ADAM23: variants seen among roughly 807,000 people sequenced by gnomAD.
ADAM23 encodes the protein disintegrin and metalloproteinase domain-containing protein 23.
In ADAM23, 33 loss-of-function variants were observed where a neutral mutation model predicts 120.1. The observed-to-expected ratio is 0.27, with a 90% CI of 0.21 to 0.37. The LOEUF is 0.37. Among genes scored for constraint, ADAM23 ranks in the 10% least tolerant of loss-of-function variants. The pLI is 1.00. For synonymous variants in ADAM23, 367 were observed against 375.2 expected (o/e 0.98, Z 0.25); for missense variants, 862 against 1,058.2 (o/e 0.81, Z 2.57).
intron 3 of ADAM23, among the ~76,000 whole-genome samples, chr2:206,489,443 G>A (rs542807396): frequency 2.0e-5 from 3 of 152,248 alleles, no homozygotes; most frequent in African/African-American, 2.4e-5. Context: ...GCCTTAGTCC[G>A]AAGGAATTAG....
chr2:206,603,010 A>T lies in ADAM23; in HGVS notation c.2359+6848A>T, dbSNP rs577868504. Among the ~76,000 whole-genome samples the T allele has an allele frequency of 9.6e-4, 146 of 152,262 alleles. 1 individual carries two copies. Among genetic ancestry groups the T allele is most frequent in the African/African-American group, 3.4e-3 (141 of 41,550 alleles). On this transcript the variant is annotated intron_variant, in intron 24 of 25. Transcript: ENST00000264377. ...GCAAAGTTAAGTTCCTAATAAAAGGATTGTGTTGTCAGCTAGAAGCTTTAA... is the reference window on the plus strand; with the variant it reads ...GCAAAGTTAAGTTCCTAATAAAAGGTTTGTGTTGTCAGCTAGAAGCTTTAA...
intron 18 of ADAM23, among the ~76,000 whole-genome samples, chr2:206,584,856 C>A (rs1698292771): frequency 2.0e-5 from 3 of 152,154 alleles, no homozygotes; most frequent in Admixed American, 2.0e-4. Context: ...CCCGTTGGAT[C>A]CCTATGGTGC....
intron 4 of ADAM23, among the ~76,000 whole-genome samples, chr2:206,533,554 CAT>C (rs1046686423): frequency 3.3e-5 from 5 of 152,286 alleles, no homozygotes; most frequent in African/African-American, 4.8e-5. Flanking sequence ...TGTACACACA[CAT>C]GTAGACACAC....
At chr2:206,611,414 C>T (rs576499107) in intron 25 of ADAM23, among the ~76,000 whole-genome samples, 1 of 151,232 alleles carries the variant, frequency 6.6e-6, no homozygotes, top group African/African-American at 2.4e-5. Context: ...TTCGTTTGGG[C>T]GGACCTAATT....
chr2:206,471,040 T>G (rs933594842), intron 2 of ADAM23, among the ~76,000 whole-genome samples: 10 of 152,194 alleles, frequency 6.6e-5, no homozygotes, highest in African/African-American at 2.4e-4. Flanking sequence ...GATCCCAACA[T>G]AAATCACTGG....
chr2:206,470,004 T>C (rs1402863467), intron 2 of ADAM23, among the ~76,000 whole-genome samples: 1 of 152,222 alleles, frequency 6.6e-6, no homozygotes. Flanking sequence ...TTGTCTACTT[T>C]AATCTTTTTA....
intron 2 of ADAM23, among the ~76,000 whole-genome samples, chr2:206,446,551 C>G (rs1695086334): frequency 6.6e-6 from 1 of 152,044 alleles, no homozygotes; most frequent in Non-Finnish European, 1.5e-5. Flanking sequence ...CCCCATTTTA[C>G]AAATGGGGAG....
At chr2:206,546,287 A>G (rs1019388566) in intron 6 of ADAM23, among the ~76,000 whole-genome samples, 8 of 152,180 alleles carry the variant, frequency 5.3e-5, no homozygotes, top group African/African-American at 1.2e-4. Flanking sequence ...TTTCATTACT[A>G]TCTTTTCACC....
At chr2:206,610,205 A>C (rs972879580) in intron 25 of ADAM23, among the ~76,000 whole-genome samples, 2 of 152,222 alleles carry the variant, frequency 1.3e-5, no homozygotes, top group African/African-American at 2.4e-5. Context: ...ATGTAGAAGG[A>C]ATTCATATAC....
intron 4 of ADAM23, among the ~76,000 whole-genome samples, chr2:206,531,832 G>T (rs1391805217): frequency 6.6e-6 from 1 of 152,188 alleles, no homozygotes; most frequent in Non-Finnish European, 1.5e-5. Context: ...CACCTTTCCC[G>T]TATGTGGACT....
In ADAM23 at chr2:206,550,086, TTTCCGTAGCC is replaced by T; in HGVS notation, c.868-8_869del. The T allele has an allele frequency of 6.5e-7, 1 of 1,541,986 alleles. No individual in the cohort carries two copies. Among genetic ancestry groups the T allele is most frequent in the Non-Finnish European group, 8.9e-7 (1 of 1,120,310 alleles). On this transcript the variant is annotated splice_acceptor_variant and splice_polypyrimidine_tract_variant and coding_sequence_variant and intron_variant, in exon 9 of 26. Coordinates refer to ENST00000264377, the MANE Select transcript of ADAM23 (RefSeq NM_003812.4). LOFTEE classifies it high-confidence loss of function. The stretch of plus-strand genomic sequence containing the variant: ...CACTATTCTGACCATATATTTTTAT[TTTCCGTAGCC>T]ATCACGTGGTATATTTGAAGAAATG...
In ADAM23 at chr2:206,585,391, G is replaced by A. The variant is rs562377059; in HGVS notation, c.1738-1934G>A. 3.9e-5 allele frequency among the ~76,000 whole-genome samples: 6 copies of A among 152,322 alleles called. No homozygotes were observed. In the Middle Eastern group the frequency reaches 0.01, roughly 259 times the overall value. ...TAGTTGTGTATTTCTGCTTTTTACTGCTGATCCCTTGAATACTCACCAGAT... is the reference window on the plus strand; with the variant it reads ...TAGTTGTGTATTTCTGCTTTTTACTACTGATCCCTTGAATACTCACCAGAT... On this transcript the variant is annotated intron_variant, in intron 18 of 25. Coordinates refer to ENST00000264377, the MANE Select transcript of ADAM23 (RefSeq NM_003812.4).
intron 2 of ADAM23, among the ~76,000 whole-genome samples, chr2:206,468,390 C>A (rs1331005692): frequency 6.6e-6 from 1 of 152,170 alleles, no homozygotes; most frequent in African/African-American, 2.4e-5. Context: ...TTAGAAATTT[C>A]TTCTACTAGA....
At chr2:206,582,878 T>C (rs558681978) in intron 18 of ADAM23, among the ~76,000 whole-genome samples, 2 of 152,288 alleles carry the variant, frequency 1.3e-5, no homozygotes, top group South Asian at 4.1e-4. Context: ...TGAAGATAGG[T>C]CCCCAATCCC....
chr2:206,484,111 C>T (rs972188164), intron 3 of ADAM23, among the ~76,000 whole-genome samples: 1 of 152,106 alleles, frequency 6.6e-6, no homozygotes, highest in Non-Finnish European at 1.5e-5. Flanking sequence ...GATCAAAGCC[C>T]AAGGGCAGAA....
At chr2:206,485,890 C>T (rs747469858) in intron 3 of ADAM23, among the ~76,000 whole-genome samples, 16 of 152,224 alleles carry the variant, frequency 1.1e-4, no homozygotes, top group African/African-American at 3.9e-4. Context: ...TGAGCTGAGC[C>T]CTGGTTGTCA....
chr2:206,506,389 A>G (rs988316233), intron 3 of ADAM23, among the ~76,000 whole-genome samples: 2 of 152,194 alleles, frequency 1.3e-5, no homozygotes, highest in Non-Finnish European at 2.9e-5. Flanking sequence ...GGGATGCAAA[A>G]AGTAGTAACT....
At chr2:206,465,446 A>G (rs995245335) in intron 2 of ADAM23, among the ~76,000 whole-genome samples, 3 of 152,234 alleles carry the variant, frequency 2.0e-5, no homozygotes, top group African/African-American at 7.2e-5. Context: ...GTCTTCATTT[A>G]AATGGATTAT....
At chr2:206,504,909 C>G (rs1300879373) in intron 3 of ADAM23, among the ~76,000 whole-genome samples, 1 of 152,024 alleles carries the variant, frequency 6.6e-6, no homozygotes, top group Non-Finnish European at 1.5e-5. Flanking sequence ...ACCGTCTGTA[C>G]CTAAATATTT....
Sources: allele counts gnomAD v4.1 joint callset (sites outside exome capture counted in the v4.1 genomes callset), GRCh38; gene constraint gnomAD v4.1.1; transcripts MANE v1.5; gene names NCBI Gene and HGNC (gene_info 2026-07-23, HGNC 2026-07-21).